TADA2A: variants seen among roughly 807,000 people sequenced by gnomAD.
TADA2A encodes transcriptional adaptor 2A.
A neutral mutation model predicts 67.4 loss-of-function variants in TADA2A; 38 were observed. The ratio of observed to expected loss-of-function variants is 0.56; its 90% confidence interval spans 0.44 to 0.74. The LOEUF (loss-of-function observed/expected upper bound fraction) is 0.74, where lower values mean the gene tolerates loss of function less well. TADA2A is among the 30% of genes least tolerant of loss of function. TADA2A has a pLI of 0.00. For missense variants in TADA2A, 454 were observed against 547.0 expected, an observed-to-expected ratio of 0.83 and a Z score of 1.70; for synonymous variants, 192 against 181.6, an observed-to-expected ratio of 1.06 and a Z score of -0.46.
At chr17:37,475,129 T>G (rs928522921) in intron 15 of TADA2A, among the ~76,000 whole-genome samples, 1 of 152,094 alleles carries the variant, frequency 6.6e-6, no homozygotes, top group African/African-American at 2.4e-5. Flanking sequence ...TATATAGTCA[T>G]GTTAATTTTG....
chr17:37,422,085 G>A lies in TADA2A; in HGVS notation c.26-1424G>A, dbSNP rs553052592. On this transcript the variant is annotated intron_variant, in intron 2 of 15. Coordinates refer to ENST00000615182, the MANE Select transcript of TADA2A (RefSeq NM_001166105.3). ...TTTTGAGACAGAGTAAGACTCTGTC[G>A]CCCAGGCTGGAGTGCAGCGGCGCGA... Among the ~76,000 whole-genome samples, 22 of 143,926 alleles carry A rather than the reference G, an allele frequency of 1.5e-4. 4 individuals are homozygous for A. The highest frequency in any genetic ancestry group is 2.5e-4 in the Non-Finnish European group (16 of 64,830). 94.4% of individuals were successfully genotyped at this position (143,926 alleles called of 152,430 possible).
chr17:37,414,926 C>G (rs1311620092), intron 2 of TADA2A, among the ~76,000 whole-genome samples: 3 of 146,738 alleles, frequency 2.0e-5, no homozygotes, highest in Non-Finnish European at 4.5e-5. Context: ...GAGCTTCGCT[C>G]TTGTCACTCA....
chr17:37,438,086 T>G (rs776253899), intron 5 of TADA2A: 10 of 376,652 alleles, frequency 2.7e-5, no homozygotes, highest in African/African-American at 6.2e-5. Flanking sequence ...GTGGGAAGAT[T>G]GATTATTATT....
At position 37,477,114 on chromosome 17, in the gene TADA2A, A is replaced by G. The variant is rs1319889914; in HGVS notation, c.*132A>G. ...TGAAAACAGGGGAAAGGACAAAGGA[A>G]ACCTTAAGTTGTATTGTCTACTTTC... On this transcript the variant is annotated 3_prime_UTR_variant, in exon 16 of 16. Coordinates refer to ENST00000615182, the MANE Select transcript of TADA2A (RefSeq NM_001166105.3). 2 of 929,944 alleles carry G rather than the reference A, an allele frequency of 2.2e-6. No individual in the cohort carries two copies. The highest frequency in any genetic ancestry group is 3.7e-5 in the South Asian group (2 of 54,266). The allele number at this position is 929,944 out of a possible 1,614,324, so 57.6% of individuals were successfully genotyped here. A position where few individuals can be genotyped will look rare whatever the true frequency, so the allele number is the denominator to read the frequency against.
chr17:37,409,109 A>G (rs578024695), intron 1 of TADA2A, among the ~76,000 whole-genome samples: 2 of 152,240 alleles, frequency 1.3e-5, no homozygotes, highest in East Asian at 3.9e-4. Flanking sequence ...TTTTTGAGAC[A>G]GGATCTTGCA....
Position 37,477,072 on chromosome 17 carries a change from C to T in TADA2A, c.*90C>T, listed in dbSNP as rs752420647. 3.8e-6 allele frequency: 5 copies of T among 1,316,932 alleles called. No individual in the cohort carries two copies. The highest frequency in any genetic ancestry group is 5.2e-6 in the Non-Finnish European group (5 of 962,280). The allele number at this position is 1,316,932 out of a possible 1,614,324, so 81.6% of individuals were successfully genotyped here. A position where few individuals can be genotyped will look rare whatever the true frequency, so the allele number is the denominator to read the frequency against. On this transcript the variant is annotated 3_prime_UTR_variant, in exon 16 of 16. Transcript: ENST00000615182. ...GTGGGCATTCTGGAGAGTTGTTTTT[C>T]AGCTGAATTCTCATGGTGAAAACAG...
At chr17:37,433,426 G>A (rs1031691411) in intron 4 of TADA2A, among the ~76,000 whole-genome samples, 4 of 152,116 alleles carry the variant, frequency 2.6e-5, no homozygotes, top group African/African-American at 9.7e-5. Flanking sequence ...GAGAGGCTGC[G>A]GTAGGAGAAT....
chr17:37,461,049 C>A (rs1428334280), intron 9 of TADA2A, among the ~76,000 whole-genome samples: 1 of 152,082 alleles, frequency 6.6e-6, no homozygotes, highest in African/African-American at 2.4e-5. Flanking sequence ...AGTCCTCAAC[C>A]TTTTTGGCAT....
chr17:37,455,166 A>G (rs916130174), intron 8 of TADA2A, among the ~76,000 whole-genome samples: 3 of 152,176 alleles, frequency 2.0e-5, no homozygotes, highest in Admixed American at 1.3e-4. Context: ...TTCTATTGCA[A>G]TCATTCAATC....
At chr17:37,428,773 T>C (rs533499539) in intron 4 of TADA2A, among the ~76,000 whole-genome samples, 29 of 152,180 alleles carry the variant, frequency 1.9e-4, no homozygotes, top group African/African-American at 6.3e-4. Flanking sequence ...TAGGCCAGGC[T>C]TGGTGGCTCA....
intron 3 of TADA2A, among the ~76,000 whole-genome samples, chr17:37,424,488 C>G (rs113175549): frequency 0.051 from 7,706 of 151,652 alleles, 256 homozygotes; most frequent in Middle Eastern, 0.082. Flanking sequence ...GCACTCCAGC[C>G]TGGGCGACAG....
At position 37,437,773 on chromosome 17, in the gene TADA2A, T is replaced by C. The variant is rs2052776760; in HGVS notation, c.228T>C (p.Thr76=). Reference sequence around the variant, plus strand: ...TTCCTGTCCTTGATCCCAGCTGGACTGCTCAAGAAGAAATGGCCCTTTTAG... The same window carrying C: ...TTCCTGTCCTTGATCCCAGCTGGACCGCTCAAGAAGAAATGGCCCTTTTAG... ...SDFPVLDPSW[T]AQEEMALLEA... The change falls in exon 5 of 16, where the codon ACT becomes ACC. Residue 76 remains threonine (T), a synonymous_variant. Transcript: ENST00000615182. 1 of 1,614,210 alleles carries C rather than the reference T, an allele frequency of 6.2e-7. No individual in the cohort carries two copies. Among genetic ancestry groups the C allele is most frequent in the African/African-American group, 1.3e-5 (1 of 75,070 alleles).
rs143700497 is a variant in TADA2A, at chr17:37,442,580, C to T, written c.459C>T (p.Pro153=). ...TTCTTCCAGCTACAGATGACCCTCC[C>T]CGACCTACCTTTGACTCCTTGCTTT... ...AIPFHSTDDP[P]RPTFDSLLSR... The change falls in exon 7 of 16, where the codon CCC becomes CCT. Residue 153 remains proline, a synonymous_variant. Transcript: ENST00000615182. 5.0e-6 allele frequency: 8 copies of T among 1,613,822 alleles called. No individual in the cohort carries two copies. The highest frequency in any genetic ancestry group is 6.8e-6 in the Non-Finnish European group (8 of 1,179,940).
chr17:37,448,240 C>T (rs1018696342), intron 8 of TADA2A, among the ~76,000 whole-genome samples: 1 of 152,104 alleles, frequency 6.6e-6, no homozygotes, highest in Non-Finnish European at 1.5e-5. Flanking sequence ...TCCTCACCCA[C>T]ACAAAGATTT....
chr17:37,450,900 TC>T (rs1282472748), intron 8 of TADA2A, among the ~76,000 whole-genome samples: 2 of 152,236 alleles, frequency 1.3e-5, no homozygotes, highest in African/African-American at 2.4e-5. Context: ...CTGGGAGAAT[TC>T]CAGTTCTCCT....
chr17:37,438,760 TC>T (rs1166695338), intron 5 of TADA2A, among the ~76,000 whole-genome samples: 2 of 152,230 alleles, frequency 1.3e-5, no homozygotes, highest in Non-Finnish European at 2.9e-5. Flanking sequence ...AGTTTGCTAG[TC>T]ATCTTTGGCC....
chr17:37,467,879 C>T (rs1284098363), intron 12 of TADA2A, among the ~76,000 whole-genome samples: 2 of 151,952 alleles, frequency 1.3e-5, no homozygotes, highest in Admixed American at 6.6e-5. Context: ...TCCAGGAGTT[C>T]GAGACCAGCC....
intron 9 of TADA2A, among the ~76,000 whole-genome samples, chr17:37,459,164 A>G (rs763559228): frequency 3.9e-5 from 6 of 152,094 alleles, no homozygotes; most frequent in Non-Finnish European, 8.8e-5. Context: ...ATGATGAACA[A>G]TGAATAATAT....
intron 1 of TADA2A, among the ~76,000 whole-genome samples, chr17:37,409,100 T>C (rs557986314): frequency 3.9e-5 from 6 of 152,302 alleles, no homozygotes; most frequent in African/African-American, 1.4e-4. Context: ...TATTATTTAT[T>C]TTTGAGACAG....
Sources: allele counts gnomAD v4.1 joint callset (sites outside exome capture counted in the v4.1 genomes callset), GRCh38; gene constraint gnomAD v4.1.1; transcripts MANE v1.5; gene names NCBI Gene and HGNC (gene_info 2026-07-23, HGNC 2026-07-21).